RTKN2: variants seen among roughly 807,000 people sequenced by gnomAD.
RTKN2 encodes rhotekin-2.
RTKN2 carries 69 observed loss-of-function variants against 71.5 expected under a neutral mutation model. The observed-to-expected ratio is 0.96, with a 90% confidence interval of 0.79 to 1.18. The LOEUF is 1.18. RTKN2 is among the 50% of genes most tolerant of loss of function. The pLI is 0.00. For synonymous variants in RTKN2, 236 were observed against 236.5 expected, an observed-to-expected ratio of 1.00 and a Z score of 0.02; for missense variants, 724 against 719.7, an observed-to-expected ratio of 1.01 and a Z score of -0.07.
At chr10:62,259,465 C>T (rs1202017200) in intron 2 of RTKN2, among the ~76,000 whole-genome samples, 1 of 152,200 alleles carries the variant, frequency 6.6e-6, no homozygotes, top group Non-Finnish European at 1.5e-5. Context: ...CCTTCCTTTT[C>T]ATCTTTGCCT....
chr10:62,202,337 T>C (rs1225809411), intron 10 of RTKN2, among the ~76,000 whole-genome samples: 2 of 152,242 alleles, frequency 1.3e-5, no homozygotes, highest in Non-Finnish European at 2.9e-5. Flanking sequence ...AGTCAAATAA[T>C]TGAAATTTGC....
At chr10:62,266,601 A>C (rs1363175089) in intron 1 of RTKN2, among the ~76,000 whole-genome samples, 1 of 152,242 alleles carries the variant, frequency 6.6e-6, no homozygotes, top group Non-Finnish European at 1.5e-5. Flanking sequence ...TTCTGCAATG[A>C]GATAGTATTA....
At chr10:62,214,570 T>C (rs532667170) in intron 9 of RTKN2, among the ~76,000 whole-genome samples, 3 of 152,236 alleles carry the variant, frequency 2.0e-5, no homozygotes, top group South Asian at 4.1e-4. Flanking sequence ...CATATAAACA[T>C]TGTCACCACT....
At chr10:62,246,949 A>G (rs1374862799) in intron 2 of RTKN2, among the ~76,000 whole-genome samples, 3 of 151,998 alleles carry the variant, frequency 2.0e-5, no homozygotes, top group Non-Finnish European at 2.9e-5. Context: ...AATAAACTGC[A>G]TTTAGAGATT....
chr10:62,228,649 T>C (rs954988941), intron 6 of RTKN2, among the ~76,000 whole-genome samples: 1 of 152,170 alleles, frequency 6.6e-6, no homozygotes, highest in African/African-American at 2.4e-5. Context: ...GATGCCGTAC[T>C]AAAGTTGGTG....
intron 10 of RTKN2, among the ~76,000 whole-genome samples, chr10:62,202,122 C>T (rs1841456079): frequency 6.6e-6 from 1 of 152,066 alleles, no homozygotes; most frequent in African/African-American, 2.4e-5. Flanking sequence ...TTCTCTGCTC[C>T]ACTCCTATTG....
chr10:62,231,937 A>T (rs1842157408), intron 6 of RTKN2, among the ~76,000 whole-genome samples: 1 of 152,206 alleles, frequency 6.6e-6, no homozygotes, highest in African/African-American at 2.4e-5. Context: ...CAGTTAAGGA[A>T]GCATCAGGTA....
chr10:62,259,483 C>T (rs1197920190), intron 2 of RTKN2, among the ~76,000 whole-genome samples: 12 of 152,314 alleles, frequency 7.9e-5, no homozygotes, highest in Admixed American at 5.9e-4. Context: ...CCTTGATCTT[C>T]AGACTCAACA....
chr10:62,227,657 G>T (rs559427527), intron 6 of RTKN2, among the ~76,000 whole-genome samples: 2 of 152,294 alleles, frequency 1.3e-5, no homozygotes, highest in South Asian at 4.1e-4. Context: ...AGAGTCATGT[G>T]CTATGATCTG....
In RTKN2 at chr10:62,252,444, T is replaced by C. The variant is rs542506411; in HGVS notation, c.258-6387A>G. ...TCATGTGGAAGAATCTTCTAGCTGATGAACTTCTTCCAAAAGGATGATTTT... is the reference window on the plus strand; with the variant it reads ...TCATGTGGAAGAATCTTCTAGCTGACGAACTTCTTCCAAAAGGATGATTTT... On this transcript the variant is annotated intron_variant, in intron 2 of 11. Transcript: ENST00000373789. Among the ~76,000 whole-genome samples the C allele has an allele frequency of 1.6e-4, 25 of 152,244 alleles. No individual in the cohort carries two copies. The South Asian group carries it at 4.3e-3, about 26-fold the overall frequency.
At chr10:62,246,529 A>T (rs889778407) in intron 2 of RTKN2, among the ~76,000 whole-genome samples, 1 of 152,036 alleles carries the variant, frequency 6.6e-6, no homozygotes, top group Non-Finnish European at 1.5e-5. Flanking sequence ...CCAAAAAAGT[A>T]CCCTCTGCTG....
intron 8 of RTKN2, among the ~76,000 whole-genome samples, chr10:62,186,005 T>A (rs373557875): frequency 1.4e-4 from 21 of 152,256 alleles, no homozygotes; most frequent in African/African-American, 5.1e-4. Flanking sequence ...AAGAGTTAAG[T>A]TGAACTGCCA....
chr10:62,259,753 T>C (rs114892322), intron 2 of RTKN2, among the ~76,000 whole-genome samples: 2,523 of 152,220 alleles, frequency 0.017, 62 homozygotes, highest in African/African-American at 0.057. Flanking sequence ...GTTTTTGCCA[T>C]GTTGCCTAAG....
chr10:62,199,405 GA>G (rs1242480233), intron 11 of RTKN2, among the ~76,000 whole-genome samples: 1 of 151,714 alleles, frequency 6.6e-6, no homozygotes, highest in Non-Finnish European at 1.5e-5. Context: ...ATAAAATACA[GA>G]AAAAAAATTA....
intron 6 of RTKN2, among the ~76,000 whole-genome samples, chr10:62,223,952 G>A (rs1841964384): frequency 9.2e-6 from 1 of 108,522 alleles, no homozygotes; most frequent in South Asian, 2.7e-4. Flanking sequence ...ACAAAATGTG[G>A]GGTAGGTGTG....
In RTKN2 at chr10:62,194,105, T is replaced by A; in HGVS notation, c.*3803A>T. On this transcript the variant is annotated 3_prime_UTR_variant, in exon 12 of 12. Coordinates refer to ENST00000373789, the MANE Select transcript of RTKN2 (RefSeq NM_145307.4). The stretch of plus-strand genomic sequence containing the variant: ...AAAATGTATGTCCATGATATAATAC[T>A]TTTTAATCCAAAAGTCTGACCCATA... 2 of 981,016 alleles carry A rather than the reference T, an allele frequency of 2.0e-6. No homozygotes were observed. Among genetic ancestry groups the A allele is most frequent in the Non-Finnish European group, 2.4e-6 (2 of 825,908 alleles). The allele number at this position is 981,016 out of a possible 1,614,324, so 60.8% of individuals were successfully genotyped here. A position where few individuals can be genotyped will look rare whatever the true frequency, so the allele number is the denominator to read the frequency against.
chr10:62,188,908 T>C (rs977291377), downstream of RTKN2, among the ~76,000 whole-genome samples: 6 of 151,718 alleles, frequency 4.0e-5, no homozygotes, highest in African/African-American at 9.7e-5. Flanking sequence ...CCACCACGCC[T>C]GGCTAATTTT....
intron 6 of RTKN2, among the ~76,000 whole-genome samples, chr10:62,224,595 AAGT>A (rs1841980707): frequency 1.3e-5 from 2 of 152,230 alleles, no homozygotes; most frequent in South Asian, 4.2e-4. Context: ...ATGAAAAAAA[AAGT>A]AGGCAGAGGA....
chr10:62,226,019 T>C (rs1174888317), intron 6 of RTKN2, among the ~76,000 whole-genome samples: 3 of 152,130 alleles, frequency 2.0e-5, no homozygotes, highest in Non-Finnish European at 4.4e-5. Flanking sequence ...CCTGACCTCA[T>C]GATCCACCTG....
Sources: allele counts gnomAD v4.1 joint callset (sites outside exome capture counted in the v4.1 genomes callset), GRCh38; gene constraint gnomAD v4.1.1; transcripts MANE v1.5; gene names NCBI Gene and HGNC (gene_info 2026-07-23, HGNC 2026-07-21).